Variants in GIPC1 observed in about 807,000 individuals in gnomAD.
GIPC1 encodes the protein PDZ domain-containing protein GIPC1.
In GIPC1, 15 loss-of-function variants were observed where a neutral mutation model predicts 28.5. The observed-to-expected ratio is 0.53, with a 90% CI of 0.35 to 0.81. The LOEUF (loss-of-function observed/expected upper bound fraction) is 0.81, where lower values mean the gene tolerates loss of function less well. Among genes scored for constraint, GIPC1 ranks in the 30% least tolerant of loss-of-function variants. The pLI is 0.01. For missense variants in GIPC1, 439 were observed against 481.9 expected, an observed-to-expected ratio of 0.91 and a Z score of 0.83; for synonymous variants, 224 against 206.1, an observed-to-expected ratio of 1.09 and a Z score of -0.74.
Position 14,478,850 on chromosome 19 carries a change from A to C in GIPC1, c.769-85T>G. 9.9e-7 allele frequency: 1 copy of C among 1,014,886 alleles called. No homozygotes were observed. Among genetic ancestry groups the C allele is most frequent in the East Asian group, 2.4e-5 (1 of 42,180 alleles). The allele number at this position is 1,014,886 out of a possible 1,614,324, so 62.9% of individuals were successfully genotyped here. On this transcript the variant is annotated intron_variant, in intron 7 of 8. Transcript: ENST00000393033. The surrounding 1 kb of genome is among the most constrained non-coding windows in gnomAD (Gnocchi z 5.2). Reference sequence around the variant, plus strand: ...GACGGACTGCCATTGTCACCACTTTACATATATTCGTATTTAGACCTCAGG... The same window carrying C: ...GACGGACTGCCATTGTCACCACTTTCCATATATTCGTATTTAGACCTCAGG...
chr19:14,491,312 G>A (rs1329506733), intron 3 of GIPC1, among the ~76,000 whole-genome samples: 1 of 151,702 alleles, frequency 6.6e-6, no homozygotes, highest in East Asian at 1.9e-4. Flanking sequence ...AGGCTGGAGT[G>A]CAATGGCGCG....
intron 7 of GIPC1, among the ~76,000 whole-genome samples, chr19:14,479,181 A>G (rs1050335335): frequency 6.6e-6 from 1 of 152,070 alleles, no homozygotes; most frequent in Admixed American, 6.6e-5. Context: ...GTGAAACCCC[A>G]TCTCTACTAA....
chr19:14,485,736 G>GAGAC (rs1400423927), intron 3 of GIPC1, among the ~76,000 whole-genome samples: 7 of 146,484 alleles, frequency 4.8e-5, no homozygotes, highest in Non-Finnish European at 7.5e-5. Flanking sequence ...GAGAGAGAGA[G>GAGAC]AGAGACAGAG....
At chr19:14,494,399 C>T (rs1343145872) in intron 1 of GIPC1, among the ~76,000 whole-genome samples, 1 of 152,216 alleles carries the variant, frequency 6.6e-6, no homozygotes, top group African/African-American at 2.4e-5. Flanking sequence ...GGCCCCCTTG[C>T]CTGATCTTTG....
rs754397574 is a variant in GIPC1, at chr19:14,482,950, T to C, written c.27A>G (p.Lys9=). 2.5e-6 allele frequency: 4 copies of C among 1,611,888 alleles called. No individual in the cohort carries two copies. In the South Asian group the frequency reaches 4.4e-5, roughly 18 times the overall value. Residue 9 remains lysine, a synonymous_variant, in exon 4 of 9, where the codon AAA becomes AAG. Coordinates refer to ENST00000393033, the MANE Select transcript of GIPC1 (RefSeq NM_005716.4). ...CATTTTCCACTAGAGGGGGCGCCTT[T>C]TTCCGCCGCCCCAGTCCCAGCGGCA... MPLGLGRR[K]KAPPLVENEE...
chr19:14,484,011 ATT>A (rs1386181107), intron 3 of GIPC1, among the ~76,000 whole-genome samples: 1 of 150,302 alleles, frequency 6.7e-6, no homozygotes, highest in African/African-American at 2.5e-5. Flanking sequence ...CCTTTATTTT[ATT>A]TTTTTGAGAT....
chr19:14,488,043 G>A (rs1184045105), intron 3 of GIPC1, among the ~76,000 whole-genome samples: 1 of 152,110 alleles, frequency 6.6e-6, no homozygotes, highest in East Asian at 1.9e-4. Context: ...CAAGATCAGT[G>A]AGGGCGTCTC....
intron 4 of GIPC1, among the ~76,000 whole-genome samples, chr19:14,481,158 T>C (rs938090788): frequency 2.6e-5 from 4 of 152,072 alleles, no homozygotes; most frequent in African/African-American, 9.7e-5. Flanking sequence ...TTTGTGGAGA[T>C]ATGGGGTCTC....
chr19:14,485,658 AAAAT>A (rs1233846702), intron 3 of GIPC1, among the ~76,000 whole-genome samples: 4 of 143,738 alleles, frequency 2.8e-5, no homozygotes, highest in Non-Finnish European at 4.5e-5. Context: ...TCCGTCTCAA[AAAAT>A]AAATAAATAA....
chr19:14,479,607 C>T, intron 6 of GIPC1, 83 bp from the exon 7 acceptor site: 6 of 662,962 alleles, frequency 9.1e-6, no homozygotes, highest in South Asian at 2.9e-5. Context: ...TCCTGGCTTT[C>T]ACCACCACCC....
At chr19:14,486,699 GCTTT>G (rs1315452187) in intron 3 of GIPC1, among the ~76,000 whole-genome samples, 61 of 145,814 alleles carry the variant, frequency 4.2e-4, no homozygotes, top group East Asian at 2.2e-3. Flanking sequence ...TTTCTTTCTT[GCTTT>G]CTTTCTTTCT....
chr19:14,482,341 C>G, intron 4 of GIPC1: 1 of 384,514 alleles, frequency 2.6e-6, no homozygotes, highest in Non-Finnish European at 4.8e-6. Context: ...CACCCCTAGT[C>G]TTGCACAATC....
intron 3 of GIPC1, among the ~76,000 whole-genome samples, chr19:14,490,113 C>A (rs1669037867): frequency 6.6e-6 from 1 of 152,158 alleles, no homozygotes; most frequent in Non-Finnish European, 1.5e-5. Flanking sequence ...CACCTGTAAT[C>A]CCTGCACTTT....
intron 3 of GIPC1, among the ~76,000 whole-genome samples, chr19:14,488,779 A>AC (rs2146485121): frequency 6.6e-6 from 1 of 151,502 alleles, no homozygotes; most frequent in East Asian, 1.9e-4. Context: ...TCTAAACAAA[A>AC]AAAAAAAAAA....
In GIPC1 at chr19:14,478,325, G is replaced by C; in HGVS notation, c.*91C>G. ...TCCTTGGGCTGCTGAGCTAGGCTCA[G>C]GCTGGAGGCTCGGGTCCTGACGTCA... On this transcript the variant is annotated 3_prime_UTR_variant, in exon 9 of 9. Coordinates refer to ENST00000393033, the MANE Select transcript of GIPC1 (RefSeq NM_005716.4). This position sits in a 1 kb window ranked among gnomAD's most constrained non-coding sequence, Gnocchi z 5.2. The C allele has an allele frequency of 1.5e-6, 2 of 1,339,594 alleles. No homozygotes were observed. The highest frequency in any genetic ancestry group is 4.5e-5 in the Admixed American group (2 of 44,870). 83.0% of individuals were successfully genotyped at this position (1,339,594 alleles called of 1,614,324 possible).
intron 3 of GIPC1, among the ~76,000 whole-genome samples, chr19:14,485,702 T>TATATATAGAG (rs1300117748): frequency 0.021 from 1,248 of 58,348 alleles, 21 homozygotes; most frequent in Non-Finnish European, 0.036. Context: ...TATATATATA[T>TATATATAGAG]AGAGAGAGAG....
At position 14,478,236 on chromosome 19, in the gene GIPC1, C is replaced by A; in HGVS notation, c.*180G>T. The A allele has an allele frequency of 1.7e-6, 1 of 600,794 alleles. No homozygotes were observed. Among genetic ancestry groups the A allele is most frequent in the East Asian group, 2.9e-5 (1 of 34,350 alleles). The allele number at this position is 600,794 out of a possible 1,614,324, so 37.2% of individuals were successfully genotyped here. On this transcript the variant is annotated 3_prime_UTR_variant, in exon 9 of 9. Coordinates refer to ENST00000393033, the MANE Select transcript of GIPC1 (RefSeq NM_005716.4). The surrounding 1 kb of genome is among the most constrained non-coding windows in gnomAD (Gnocchi z 5.2). ...CGGGGACCCCGGCCAGACTGGGAAC[C>A]AGGGAGGGGATGGTACCGATTGGAG...
chr19:14,483,691 G>A (rs972095606), intron 3 of GIPC1: 1 of 151,548 alleles, frequency 6.6e-6, no homozygotes, highest in Non-Finnish European at 1.5e-5. Context: ...AGAGGTTGCA[G>A]TGAGCCAAGA....
At position 14,488,960 on chromosome 19, in the gene GIPC1, C is replaced by G. The variant is rs960441444; in HGVS notation, c.-31+2696G>C. ...TTTTTTTTTTTAATGGGGTCTCACT[C>G]TGTCGTCCAGGCTGCAGTGGAGTGA... On this transcript the variant is annotated intron_variant, in intron 3 of 8. Coordinates refer to ENST00000393033, the MANE Select transcript of GIPC1 (RefSeq NM_005716.4). Among the ~76,000 whole-genome samples the G allele has an allele frequency of 9.2e-5, 14 of 151,410 alleles. 1 individual carries two copies. The highest frequency in any genetic ancestry group is 6.6e-4 in the Admixed American group (10 of 15,154).
Sources: allele counts gnomAD v4.1 joint callset (sites outside exome capture counted in the v4.1 genomes callset), GRCh38; gene constraint gnomAD v4.1.1; non-coding constraint Gnocchi (gnomAD v3.1); transcripts MANE v1.5; gene names NCBI Gene and HGNC (gene_info 2026-07-23, HGNC 2026-07-21).